The following APBA2 variants were observed in gnomAD, a reference collection of about 807,000 sequenced individuals.
APBA2 encodes the protein amyloid-beta A4 precursor protein-binding family A member 2.
Under a neutral mutation model 75.0 loss-of-function variants are expected in APBA2, and 30 were observed. The observed-to-expected ratio is 0.40, with a 90% confidence interval of 0.30 to 0.54. The LOEUF (loss-of-function observed/expected upper bound fraction) is 0.54, where lower values mean the gene tolerates loss of function less well. Ranked by LOEUF, APBA2 falls within the 20% of genes least tolerant of loss-of-function variation. APBA2 has a pLI of 0.49. For synonymous variants in APBA2, 444 were observed against 409.6 expected (o/e 1.08, Z -1.01); for missense variants, 801 against 1,016.1 (o/e 0.79, Z 2.88).
chr15:29,011,789 CTTA>C (rs2039415072), intron 3 of APBA2, among the ~76,000 whole-genome samples: 1 of 152,014 alleles, frequency 6.6e-6, no homozygotes, highest in South Asian at 2.1e-4. Flanking sequence ...TTAGATTTGT[CTTA>C]TTATAGTCCT....
At chr15:28,935,701 C>T (rs531908923) in intron 2 of APBA2, among the ~76,000 whole-genome samples, 75 of 152,206 alleles carry the variant, frequency 4.9e-4, no homozygotes, top group Non-Finnish European at 9.6e-4. Flanking sequence ...GCCAGGTCTG[C>T]ATGAGGACAG....
chr15:28,892,043 T>C (rs2152608964), intron 1 of APBA2, among the ~76,000 whole-genome samples: 1 of 152,276 alleles, frequency 6.6e-6, no homozygotes, highest in Admixed American at 6.5e-5. Context: ...TCATGGTTAG[T>C]GTCCTAGATG....
At chr15:29,111,990 C>A (rs1009803439) in intron 13 of APBA2, among the ~76,000 whole-genome samples, 1 of 152,168 alleles carries the variant, frequency 6.6e-6, no homozygotes, top group African/African-American at 2.4e-5. Context: ...CCTGGAACCC[C>A]GGGCTCCTGC....
intron 2 of APBA2, among the ~76,000 whole-genome samples, chr15:28,947,531 G>A (rs1445277242): frequency 6.6e-6 from 1 of 152,168 alleles, no homozygotes; most frequent in Non-Finnish European, 1.5e-5. Context: ...GGGATGAGGT[G>A]GCTGTGCTCA....
At chr15:28,938,786 G>A (rs1249208989) in intron 2 of APBA2, among the ~76,000 whole-genome samples, 1 of 152,196 alleles carries the variant, frequency 6.6e-6, no homozygotes, top group Non-Finnish European at 1.5e-5. Context: ...TGGAATCACA[G>A]GCATGAGCCA....
intron 2 of APBA2, among the ~76,000 whole-genome samples, chr15:28,978,462 T>C (rs2037454877): frequency 6.6e-6 from 1 of 152,208 alleles, no homozygotes; most frequent in African/African-American, 2.4e-5. Flanking sequence ...GGACTGGGCC[T>C]GGATGACTTT....
chr15:29,040,073 G>T (rs542315214), intron 3 of APBA2, among the ~76,000 whole-genome samples: 3 of 152,174 alleles, frequency 2.0e-5, no homozygotes, highest in Non-Finnish European at 2.9e-5. Context: ...AAAGAGGAAC[G>T]CTGCAAGCTG....
chr15:29,103,783 G>A (rs922142962), intron 10 of APBA2, among the ~76,000 whole-genome samples: 1 of 152,206 alleles, frequency 6.6e-6, no homozygotes, highest in Admixed American at 6.5e-5. Flanking sequence ...AGGTGGCCTC[G>A]TCAGGCGGAG....
intron 12 of APBA2, 84 bp downstream of exon 12, chr15:29,106,903 T>C: frequency 7.7e-7 from 1 of 1,305,344 alleles, no homozygotes; most frequent in Non-Finnish European, 1.1e-6. Context: ...CCCACTTCAC[T>C]GCAATCCCCA....
chr15:29,093,635 A>C (rs1442102653), intron 7 of APBA2, among the ~76,000 whole-genome samples: 1 of 152,214 alleles, frequency 6.6e-6, no homozygotes, highest in Non-Finnish European at 1.5e-5. Flanking sequence ...TTGTAGCTCT[A>C]AGTGCTCATT....
chr15:28,993,700 G>A (rs2038357754), intron 2 of APBA2, among the ~76,000 whole-genome samples: 1 of 152,192 alleles, frequency 6.6e-6, no homozygotes, highest in African/African-American at 2.4e-5. Context: ...TGAAGCCTGT[G>A]GGGCTTCTGG....
chr15:29,073,227 G>C (rs746983605), intron 4 of APBA2, among the ~76,000 whole-genome samples: 24 of 152,222 alleles, frequency 1.6e-4, no homozygotes, highest in Non-Finnish European at 2.8e-4. Context: ...GGCATCACCT[G>C]ACTCCGAGAG....
rs1053904396 is a variant in APBA2 at position 28,991,513 on chromosome 15, G to C, written c.-94-4240G>C. Among the ~76,000 whole-genome samples the C allele has an allele frequency of 3.2e-4, 49 of 152,190 alleles. No individual in the cohort carries two copies. Among genetic ancestry groups the C allele is most frequent in the African/African-American group, 1.1e-3 (45 of 41,458 alleles). On this transcript the variant is annotated intron_variant, in intron 2 of 14. Coordinates refer to ENST00000683413, the MANE Select transcript of APBA2 (RefSeq NM_001353788.2). The surrounding 1 kb of genome is among the most constrained non-coding windows in gnomAD (Gnocchi z 4.7). The stretch of plus-strand genomic sequence containing the variant: ...CTGTGAGGCCGCCCCTTGCAGGTGA[G>C]TTCACTGGCAGCCCAGCCAGCCCAC...
At chr15:29,062,874 C>T (rs940000451) in intron 4 of APBA2, among the ~76,000 whole-genome samples, 1 of 152,096 alleles carries the variant, frequency 6.6e-6, no homozygotes, top group South Asian at 2.1e-4. Context: ...GCCACCTGTG[C>T]CAGCAGCCCC....
intron 6 of APBA2, among the ~76,000 whole-genome samples, chr15:29,088,972 T>C (rs7173289): frequency 0.1 from 15,780 of 152,220 alleles, 1,851 homozygotes; most frequent in African/African-American, 0.29. Flanking sequence ...TTTTGCCTTA[T>C]GGCTTGTTGA....
intron 2 of APBA2, among the ~76,000 whole-genome samples, chr15:28,946,779 A>G (rs973415444): frequency 6.6e-6 from 1 of 152,096 alleles, no homozygotes; most frequent in Admixed American, 6.5e-5. Flanking sequence ...AGGTCTTGCT[A>G]TATTGCCTAG....
intron 3 of APBA2, among the ~76,000 whole-genome samples, chr15:29,031,086 T>A (rs1336455116): frequency 1.3e-5 from 2 of 152,222 alleles, no homozygotes; most frequent in Middle Eastern, 3.2e-3. Flanking sequence ...TTCTTTTTAT[T>A]AGCACTTGTC....
At chr15:29,026,527 T>C (rs1201051889) in intron 3 of APBA2, among the ~76,000 whole-genome samples, 1 of 152,200 alleles carries the variant, frequency 6.6e-6, no homozygotes, top group African/African-American at 2.4e-5. Context: ...TTCACAATTC[T>C]CTCATACTGT....
intron 3 of APBA2, among the ~76,000 whole-genome samples, chr15:29,009,398 A>C (rs1427774354): frequency 6.6e-6 from 1 of 152,192 alleles, no homozygotes; most frequent in African/African-American, 2.4e-5. Context: ...CACTTATTTT[A>C]AAATAAGCTT....
Sources: allele counts gnomAD v4.1 joint callset (sites outside exome capture counted in the v4.1 genomes callset), GRCh38; gene constraint gnomAD v4.1.1; non-coding constraint Gnocchi (gnomAD v3.1); transcripts MANE v1.5; gene names NCBI Gene and HGNC (gene_info 2026-07-23, HGNC 2026-07-21).